NFIA: variants seen among roughly 807,000 people sequenced by gnomAD.
NFIA encodes nuclear factor 1 A-type.
Under a neutral mutation model 62.8 loss-of-function variants are expected in NFIA, and 8 were observed. The ratio of observed to expected loss-of-function variants is 0.13; its 90% CI spans 0.07 to 0.23. The LOEUF (loss-of-function observed/expected upper bound fraction) is 0.23. Among genes scored for constraint, NFIA ranks in the 10% least tolerant of loss-of-function variants. The pLI is 1.00. For synonymous variants in NFIA, 235 were observed against 238.1 expected (o/e 0.99, Z 0.12); for missense variants, 410 against 642.1 (o/e 0.64, Z 3.91).
chr1:61,198,924 CT>C lies in NFIA; in HGVS notation c.560-78595del, dbSNP rs569051348. On this transcript the variant is annotated intron_variant, in intron 2 of 10. Coordinates refer to ENST00000403491, the MANE Select transcript of NFIA (RefSeq NM_001134673.4). The stretch of plus-strand genomic sequence containing the variant: ...GACCTCACCACCCCGGCTTGCCCCC[CT>C]CCTTCATCACTCTGAAGTATTATGT... Among the ~76,000 whole-genome samples the C allele has an allele frequency of 1.5e-3, 227 of 152,330 alleles. 6 individuals carry two copies. Among genetic ancestry groups the C allele is most frequent in the Admixed American group, 0.015 (224 of 15,302 alleles).
intron 6 of NFIA, among the ~76,000 whole-genome samples, chr1:61,368,940 G>GGGTA (rs1378532988): frequency 6.6e-6 from 1 of 152,168 alleles, no homozygotes; most frequent in Non-Finnish European, 1.5e-5. Flanking sequence ...AAGGAAGGAA[G>GGGTA]GGTAACTGGT....
intron 2 of NFIA, among the ~76,000 whole-genome samples, chr1:61,089,532 A>G (rs1646279203): frequency 6.6e-6 from 1 of 152,120 alleles, no homozygotes; most frequent in Admixed American, 6.5e-5. Flanking sequence ...TCATTGTGCT[A>G]TGTGAACGCT....
chr1:61,203,492 G>T (rs1053858292), intron 2 of NFIA, among the ~76,000 whole-genome samples: 1 of 152,052 alleles, frequency 6.6e-6, no homozygotes, highest in East Asian at 1.9e-4. Context: ...TGGGTTGCCT[G>T]GTTTTTGCTC....
At position 61,082,669 on chromosome 1, in the gene NFIA, C is replaced by A; in HGVS notation, c.-123C>A. 1 of 1,516,714 alleles carries A rather than the reference C, an allele frequency of 6.6e-7. No homozygotes were observed. Among genetic ancestry groups the A allele is most frequent in the Middle Eastern group, 1.7e-4 (1 of 5,774 alleles). The allele number at this position is 1,516,714 out of a possible 1,614,324, so 94.0% of individuals were successfully genotyped here. ...AGCAGGCTTGATTTTTTTTTCTCCCCCCTTCTCTCTCTCTCTCTCTCTCTC... is the reference window on the plus strand; with the variant it reads ...AGCAGGCTTGATTTTTTTTTCTCCCACCTTCTCTCTCTCTCTCTCTCTCTC... On this transcript the variant is annotated 5_prime_UTR_variant, in exon 1 of 11. Coordinates refer to ENST00000403491, the MANE Select transcript of NFIA (RefSeq NM_001134673.4).
intron 2 of NFIA, among the ~76,000 whole-genome samples, chr1:61,221,787 T>C (rs1032710352): frequency 2.6e-4 from 40 of 152,082 alleles, no homozygotes; most frequent in African/African-American, 9.4e-4. Context: ...TTCTGGGAAG[T>C]TAAAAAGCAC....
In NFIA at chr1:61,240,081, A is replaced by T. The variant is rs77931157; in HGVS notation, c.560-37439A>T. On this transcript the variant is annotated intron_variant, in intron 2 of 10. Transcript: ENST00000403491. ...CTTCAGATGGATCCATTTCAGCATA[A>T]TGTCTTTCTACGTGATGTTCTAATT... Among the ~76,000 whole-genome samples, 218 of 152,232 alleles carry T rather than the reference A, an allele frequency of 1.4e-3. 3 individuals carry two copies. The East Asian group carries it at 0.039, about 27-fold the overall frequency.
rs534523524 is a variant in NFIA, at chr1:61,417,028, G to A, written c.1421-9437G>A. Among the ~76,000 whole-genome samples, 403 of 152,122 alleles carry A rather than the reference G, an allele frequency of 2.6e-3. 1 individual carries two copies. The highest frequency in any genetic ancestry group is 4.4e-3 in the Non-Finnish European group (302 of 67,972). ...TTAAGAGATAAGCATTACAAAGAAGGAATAGGAAAAAGAACAGAACATTGG... is the reference window on the plus strand; with the variant it reads ...TTAAGAGATAAGCATTACAAAGAAGAAATAGGAAAAAGAACAGAACATTGG... On this transcript the variant is annotated intron_variant, in intron 9 of 10. Transcript: ENST00000403491.
At chr1:61,168,609 T>C (rs531346615) in intron 2 of NFIA, among the ~76,000 whole-genome samples, 38 of 152,356 alleles carry the variant, frequency 2.5e-4, no homozygotes, top group East Asian at 2.1e-3. Flanking sequence ...TCTTATGACC[T>C]TGATTTTTGA....
At chr1:61,271,795 A>G (rs1208648922) in intron 2 of NFIA, among the ~76,000 whole-genome samples, 1 of 152,230 alleles carries the variant, frequency 6.6e-6, no homozygotes, top group East Asian at 1.9e-4. Context: ...GTGTACATAT[A>G]TCTAGACAAA....
chr1:61,108,457 A>T (rs1200769679), intron 2 of NFIA, among the ~76,000 whole-genome samples: 1 of 151,656 alleles, frequency 6.6e-6, no homozygotes, highest in Non-Finnish European at 1.5e-5. Context: ...CGATATTTAC[A>T]TATTTTTAGC....
chr1:61,179,226 G>T (rs1650592303), intron 2 of NFIA, among the ~76,000 whole-genome samples: 1 of 152,242 alleles, frequency 6.6e-6, no homozygotes, highest in African/African-American at 2.4e-5. Context: ...GCCAGCATCA[G>T]TGCTGATAAA....
intron 2 of NFIA, among the ~76,000 whole-genome samples, chr1:61,176,903 G>A (rs1650397242): frequency 6.6e-6 from 1 of 152,050 alleles, no homozygotes; most frequent in African/African-American, 2.4e-5. Flanking sequence ...AGGAGATCGA[G>A]ACCATCCTGG....
chr1:61,273,357 G>A (rs1023845857), intron 2 of NFIA, among the ~76,000 whole-genome samples: 1 of 152,120 alleles, frequency 6.6e-6, no homozygotes, highest in Non-Finnish European at 1.5e-5. Context: ...GATCATAGGA[G>A]GTGATTGTCT....
intron 2 of NFIA, among the ~76,000 whole-genome samples, chr1:61,105,267 A>G (rs1056899136): frequency 2.0e-5 from 3 of 152,010 alleles, no homozygotes; most frequent in African/African-American, 7.2e-5. Context: ...GATAACTCAA[A>G]TTATGTTTAA....
chr1:61,200,051 T>TATATATATAC, intron 2 of NFIA, among the ~76,000 whole-genome samples: 1 of 54,416 alleles, frequency 1.8e-5, no homozygotes, highest in African/African-American at 1.1e-4. Context: ...TATATATATA[T>TATATATATAC]ATATATATAT....
intron 4 of NFIA, among the ~76,000 whole-genome samples, chr1:61,343,261 CA>C (rs1263984992): frequency 2.6e-5 from 4 of 152,208 alleles, no homozygotes; most frequent in African/African-American, 9.7e-5. Context: ...AAATTAAACT[CA>C]CAGTAATTAT....
Position 61,352,266 on chromosome 1 carries a change from C to G in NFIA, c.701-184C>G, listed in dbSNP as rs3736758. Reference sequence around the variant, plus strand: ...TGAAAAATATATTAGAAAAAATATGCCTTTCCTGTATAGACTATTTTTAGT... The same window carrying G: ...TGAAAAATATATTAGAAAAAATATGGCTTTCCTGTATAGACTATTTTTAGT... On this transcript the variant is annotated intron_variant, in intron 4 of 10. Transcript: ENST00000403491. Among the ~76,000 whole-genome samples the G allele has an allele frequency of 0.12, 18,805 of 152,074 alleles. 1,784 individuals carry two copies. The highest frequency in any genetic ancestry group is 0.26 in the African/African-American group (10,660 of 41,460).
At chr1:61,439,812 C>T (rs2474365) in intron 10 of NFIA, among the ~76,000 whole-genome samples, 12,604 of 152,144 alleles carry the variant, frequency 0.083, 1,514 homozygotes, top group African/African-American at 0.26. Flanking sequence ...GAAAAATAGA[C>T]TTAGTGGAGG....
At chr1:61,354,275 C>G (rs956172550) in intron 5 of NFIA, among the ~76,000 whole-genome samples, 1 of 152,204 alleles carries the variant, frequency 6.6e-6, no homozygotes, top group Non-Finnish European at 1.5e-5. Flanking sequence ...GTTTTACTCT[C>G]ATTAGGCTCT....
Sources: gnomAD v4.1 joint callset for allele counts (sites outside exome capture counted in the v4.1 genomes callset) on GRCh38, gnomAD v4.1.1 for gene constraint, MANE v1.5 for transcripts, NCBI Gene and HGNC (gene_info 2026-07-23, HGNC 2026-07-21) for gene names.